TONSL: variants seen among roughly 807,000 people sequenced by gnomAD.
TONSL encodes tonsoku like, DNA repair protein.
Under a neutral mutation model 147.1 loss-of-function variants are expected in TONSL, and 112 were observed. That is an observed-to-expected ratio of 0.76 (90% CI 0.65 to 0.89). The LOEUF (loss-of-function observed/expected upper bound fraction) is 0.89, where lower values mean the gene tolerates loss of function less well. Ranked by LOEUF, TONSL falls within the 40% of genes least tolerant of loss-of-function variation. The pLI, the probability that TONSL is intolerant of heterozygous loss-of-function variation, is 0.00. For missense variants in TONSL, 1,883 were observed against 1,864.6 expected, an observed-to-expected ratio of 1.01 and a Z score of -0.18; for synonymous variants, 868 against 801.5, an observed-to-expected ratio of 1.08 and a Z score of -1.40.
In TONSL at chr8:144,436,361, G is replaced by C. The variant is rs1372061186; in HGVS notation, c.2072C>G (p.Thr691Ser). The change falls in exon 17 of 26, where the codon ACC (threonine) becomes AGC (serine). Residue 691 changes from threonine (T) to serine (S), a missense_variant. Physicochemically the swap from Thr to Ser is moderately conservative, Grantham distance 58 (BLOSUM62 1). Transcript: ENST00000409379. ...TGGGCAGGGGCTCAAAGGAGGAGAGGTCTCGGGGTCAAACAGAAGGCTGCT... is the reference window on the plus strand; with the variant it reads ...TGGGCAGGGGCTCAAAGGAGGAGAGCTCTCGGGGTCAAACAGAAGGCTGCT... ...TPSSLLFDPE[T>S]SPPLSPCPEP... 6.7e-7 allele frequency: 1 copy of C among 1,503,540 alleles called. No individual in the cohort carries two copies. The highest frequency in any genetic ancestry group is 1.4e-5 in the African/African-American group (1 of 71,726). 93.1% of individuals were successfully genotyped at this position (1,503,540 alleles called of 1,614,324 possible). A position where few individuals can be genotyped will look rare whatever the true frequency, so the allele number is the denominator to read the frequency against.
intron 3 of TONSL, among the ~76,000 whole-genome samples, chr8:144,443,603 G>A (rs1006101772): frequency 2.0e-5 from 3 of 152,230 alleles, no homozygotes; most frequent in Non-Finnish European, 2.9e-5. Flanking sequence ...GGGTCAGGGA[G>A]AGCTTTTGGG....
At position 144,444,271 on chromosome 8, in the gene TONSL, C is replaced by G. The variant is rs1036189911; in HGVS notation, c.30G>C (p.Leu10=). 5 of 1,446,802 alleles carry G rather than the reference C, an allele frequency of 3.5e-6. No individual in the cohort carries two copies. Among genetic ancestry groups the G allele is most frequent in the Middle Eastern group, 2.2e-4 (1 of 4,562 alleles). The allele number at this position is 1,446,802 out of a possible 1,614,324, so 89.6% of individuals were successfully genotyped here. A position where few individuals can be genotyped will look rare whatever the true frequency, so the allele number is the denominator to read the frequency against. Residue 10 remains leucine, a synonymous_variant, in exon 2 of 26, where the codon CTG becomes CTC. Coordinates refer to ENST00000409379, the MANE Select transcript of TONSL (RefSeq NM_013432.5). ...TCTGCGCCTTGGCTTTCGCCTTGCT[C>G]AGCTCTGTGGGAGGAAGAGGAGGGC... MSLERELRQ[L]SKAKAKAQRA...
Position 144,434,852 on chromosome 8 carries a change from A to C in TONSL, c.3044T>G (p.Leu1015Trp). 6.2e-7 allele frequency: 1 copy of C among 1,613,446 alleles called. No individual in the cohort carries two copies. The highest frequency in any genetic ancestry group is 1.3e-5 in the African/African-American group (1 of 75,056). ...AEVTSWDLPP[L>W]TDRYRRACQS... ...GCAGGCCCTGCGGTAGCGGTCAGTCAACGGGGGCAGGTCCCACGAAGTCAC... is the reference window on the plus strand; with the variant it reads ...GCAGGCCCTGCGGTAGCGGTCAGTCCACGGGGGCAGGTCCCACGAAGTCAC... The change falls in exon 20 of 26, where the codon TTG becomes TGG. Residue 1015 changes from leucine to tryptophan, a missense_variant. By Grantham distance (61) the Leu-to-Trp change is moderately conservative. Transcript: ENST00000409379.
chr8:144,432,408 A>G lies in TONSL; in HGVS notation c.3612T>C (p.Pro1204=). The part of the protein sequence containing the change: ...LSLSYNALGA[P]ALARTLQSLP... ...GGCTCTGCAGGGTCCTGGCCAGGGC[A>G]GGGGCTCCCAGGGCGTTGTAGGACA... Residue 1204 remains proline (P), a synonymous_variant, in exon 23 of 26, where the codon CCT becomes CCC. Transcript: ENST00000409379. 2 of 1,589,980 alleles carry G rather than the reference A, an allele frequency of 1.3e-6. No homozygotes were observed. Among genetic ancestry groups the G allele is most frequent in the Non-Finnish European group, 1.7e-6 (2 of 1,170,092 alleles).
rs374044396 is a variant in TONSL, at chr8:144,442,661, C to G, written c.578+16G>C. 43 of 1,608,042 alleles carry G rather than the reference C, an allele frequency of 2.7e-5. No individual in the cohort carries two copies. Among genetic ancestry groups the G allele is most frequent in the Non-Finnish European group, 3.2e-5 (38 of 1,177,792 alleles). ...CAAGGGACTCCACTCCCTCCTGGGG[C>G]GGGGCAGGGCCTTACTCCGCAAGGA... is the stretch of plus-strand genomic sequence containing the variant. On this transcript the variant is annotated intron_variant, in intron 5 of 25. Transcript: ENST00000409379.
chr8:144,442,960 A>T (rs1461550650), intron 4 of TONSL, 154 bp from the exon 5 acceptor site: 3 of 1,249,476 alleles, frequency 2.4e-6, no homozygotes, highest in Non-Finnish European at 3.3e-6. Flanking sequence ...CACAGAGTGG[A>T]TAAAGAGCTG....
chr8:144,431,924 G>A (rs1399522273), intron 23 of TONSL, among the ~76,000 whole-genome samples: 1 of 151,254 alleles, frequency 6.6e-6, no homozygotes, highest in African/African-American at 2.4e-5. Flanking sequence ...TGCCTCCCGG[G>A]TTCAACCAAT....
rs536326851 is a variant in TONSL, at chr8:144,441,633, A to G, written c.865+404T>C. The G allele has an allele frequency of 1.4e-4, 29 of 208,716 alleles. No homozygotes were observed. In the East Asian group the frequency reaches 3.4e-3, roughly 24 times the overall value. The allele number at this position is 208,716 out of a possible 1,614,324, so 12.9% of individuals were successfully genotyped here. ...ACAACATGGATGGTGCCTGGCTCAA[A>G]GTAAGGGCTGACGGCTGCCAACCTC... On this transcript the variant is annotated intron_variant, in intron 7 of 25. Transcript: ENST00000409379.
chr8:144,430,260 C>A, intron 25 of TONSL, 144 bp downstream of exon 25: 1 of 1,001,662 alleles, frequency 1.0e-6, no homozygotes, highest in Non-Finnish European at 1.4e-6. Context: ...TGTCACTCTG[C>A]CCCCTGCTGC....
At position 144,436,142 on chromosome 8, in the gene TONSL, G is replaced by A; in HGVS notation, c.2291C>T (p.Ala764Val). Residue 764 changes from alanine to valine, a missense_variant, in exon 17 of 26, where the codon GCC becomes GTC. By Grantham distance (64) the Ala-to-Val change is moderately conservative. Transcript: ENST00000409379. ...RPSQKRPRCS[A>V]TAQRVAAWTP... is the part of the protein sequence containing the mutation. ...CCAGGCTGCCACCCGTTGTGCTGTG[G>A]CCGAGCACCGAGGCCTCTTCTGGGA... The A allele has an allele frequency of 6.4e-7, 1 of 1,565,052 alleles. No individual in the cohort carries two copies. Among genetic ancestry groups the A allele is most frequent in the Non-Finnish European group, 8.6e-7 (1 of 1,162,102 alleles).
In TONSL at chr8:144,436,583, C is replaced by T; in HGVS notation, c.1989G>A (p.Leu663=). ...CTTGGCCCGAGGCAGCCGCCTGGAG[C>T]AGCATCTCCATGGCCCTGGCCTTCT... The part of the protein sequence containing the change: ...TRQKARAMEM[L]LQAAASGQDP... Residue 663 remains leucine, a synonymous_variant, in exon 16 of 26, where the codon CTG becomes CTA. Coordinates refer to ENST00000409379, the MANE Select transcript of TONSL (RefSeq NM_013432.5). The T allele has an allele frequency of 6.2e-7, 1 of 1,611,218 alleles. No individual in the cohort carries two copies. The highest frequency in any genetic ancestry group is 1.1e-5 in the South Asian group (1 of 91,070).
At chr8:144,431,870 C>T (rs1823213704) in intron 23 of TONSL, among the ~76,000 whole-genome samples, 1 of 149,922 alleles carries the variant, frequency 6.7e-6, no homozygotes. Context: ...CGCTCTGTCA[C>T]CCAGGCTGGG....
intron 13 of TONSL, 71 bp from the exon 14 acceptor site, chr8:144,437,170 C>T (rs1021524025): frequency 2.7e-6 from 4 of 1,495,572 alleles, no homozygotes; most frequent in Non-Finnish European, 3.7e-6. Flanking sequence ...GTGAGCTCTG[C>T]AGCCTAAGCT....
rs1270404917 is a variant in TONSL, at chr8:144,438,471, C to G, written c.1653G>C (p.Gln551His). The G allele has an allele frequency of 1.2e-6, 2 of 1,612,286 alleles. No individual in the cohort carries two copies. The highest frequency in any genetic ancestry group is 1.7e-6 in the Non-Finnish European group (2 of 1,179,732). ...TCCCACGTCCCAGAGCGGGGCCCAC[C>G]TGCCTCACAAGGTCCTGGACGCGGC... ...QLRRVQDLVR[Q>H]GHPLNPRDYC... Residue 551 changes from glutamine to histidine, a missense_variant and splice_region_variant, in exon 13 of 26, where the codon CAG becomes CAC. By Grantham distance (24) the Gln-to-His change is conservative. Transcript: ENST00000409379.
chr8:144,443,966 A>T lies in TONSL; in HGVS notation c.180T>A (p.Ala60=). 1 of 1,542,054 alleles carries T rather than the reference A, an allele frequency of 6.5e-7. No individual in the cohort carries two copies. Among genetic ancestry groups the T allele is most frequent in the Non-Finnish European group, 8.7e-7 (1 of 1,146,626 alleles). ...HWQELQLRER[A]DDPLGCAVAH... ...CCACGGCACAGCCCAGAGGGTCGTC[A>T]GCGCGCTCCCGAAGCTGCAGCTCCT... The change falls in exon 3 of 26, where the codon GCT becomes GCA. Residue 60 remains alanine, a synonymous_variant. Coordinates refer to ENST00000409379, the MANE Select transcript of TONSL (RefSeq NM_013432.5).
Position 144,442,028 on chromosome 8 carries a change from C to T in TONSL, c.865+9G>A. Reference sequence around the variant, plus strand: ...CCTCCCAGGGCCCCATTCGCACCCCCAGGCTCACCATGCTGGAGGTTCTGA... The same window carrying T: ...CCTCCCAGGGCCCCATTCGCACCCCTAGGCTCACCATGCTGGAGGTTCTGA... On this transcript the variant is annotated intron_variant, in intron 7 of 25. Transcript: ENST00000409379. The T allele has an allele frequency of 6.2e-7, 1 of 1,611,988 alleles. No homozygotes were observed. Among genetic ancestry groups the T allele is most frequent in the South Asian group, 1.1e-5 (1 of 91,040 alleles).
In TONSL at chr8:144,429,113, CGGTGAGGGTGG is replaced by C. The variant is rs1397948527; in HGVS notation, c.*19_*29del. On this transcript the variant is annotated 3_prime_UTR_variant, in exon 26 of 26. Transcript: ENST00000409379. ...CAGCAGCTTCATTTATTAGGGGCTT[CGGTGAGGGTGG>C]GGAAAGGCAGCGCCAGGGTCAGAGG... The C allele has an allele frequency of 6.7e-7, 1 of 1,496,582 alleles. No homozygotes were observed. Among genetic ancestry groups the C allele is most frequent in the African/African-American group, 1.4e-5 (1 of 70,232 alleles). The allele number at this position is 1,496,582 out of a possible 1,614,324, so 92.7% of individuals were successfully genotyped here.
At chr8:144,433,091 G>A (rs553747463) in intron 22 of TONSL, 22 of 156,152 alleles carry the variant, frequency 1.4e-4, no homozygotes, top group Middle Eastern at 3.4e-3. Context: ...TGTTTGTTTC[G>A]TTTTTTTGAC....
intron 25 of TONSL, 102 bp downstream of exon 25, chr8:144,430,302 G>T: frequency 1.5e-6 from 2 of 1,353,028 alleles, no homozygotes; most frequent in Non-Finnish European, 1.9e-6. Flanking sequence ...CTTGCTGCCT[G>T]GCTGGTAGCA....
Sources: allele counts gnomAD v4.1 joint callset (sites outside exome capture counted in the v4.1 genomes callset), GRCh38; gene constraint gnomAD v4.1.1; transcripts MANE v1.5; gene names NCBI Gene and HGNC (gene_info 2026-07-23, HGNC 2026-07-21).